SUGCT: variants seen among roughly 807,000 people sequenced by gnomAD.
SUGCT encodes succinyl-CoA:glutarate-CoA transferase, also known as succinyl-CoA:glutarate CoA-transferase.
A neutral mutation model predicts 55.0 loss-of-function variants in SUGCT; 41 were observed. That is an observed-to-expected ratio of 0.74 (90% CI 0.58 to 0.97). The LOEUF (loss-of-function observed/expected upper bound fraction) is 0.97, where lower values mean the gene tolerates loss of function less well. Ranked by LOEUF, SUGCT falls within the 50% of genes least tolerant of loss-of-function variation. The pLI is 0.00. For synonymous variants in SUGCT, 187 were observed against 200.4 expected, an observed-to-expected ratio of 0.93 and a Z score of 0.56; for missense variants, 568 against 547.8, an observed-to-expected ratio of 1.04 and a Z score of -0.37.
At chr7:40,439,036 G>T in intron 9 of SUGCT, among the ~76,000 whole-genome samples, 1 of 99,688 alleles carries the variant, frequency 1.0e-5, no homozygotes, top group Non-Finnish European at 2.0e-5. Context: ...ATATAATATG[G>T]TATATATATA....
intron 9 of SUGCT, among the ~76,000 whole-genome samples, chr7:40,401,314 G>C (rs1416177712): frequency 6.6e-6 from 1 of 152,090 alleles, no homozygotes; most frequent in Non-Finnish European, 1.5e-5. Flanking sequence ...AATTACCTTA[G>C]ACTTTAAGAG....
At chr7:40,418,555 G>C (rs1272068025) in intron 9 of SUGCT, among the ~76,000 whole-genome samples, 1 of 152,144 alleles carries the variant, frequency 6.6e-6, no homozygotes, top group South Asian at 2.1e-4. Context: ...TTTTAGTCAG[G>C]CACAGGCTAA....
At chr7:40,945,670 A>G in the SUGCT span, among the ~76,000 whole-genome samples, 1 of 152,164 alleles carries the variant, frequency 6.6e-6, no homozygotes, top group African/African-American at 2.4e-5. Context: ...TTTCACAAGC[A>G]AAAGTTCTGA....
chr7:40,814,625 A>G (rs1584479377), intron 13 of SUGCT, among the ~76,000 whole-genome samples: 2 of 150,920 alleles, frequency 1.3e-5, no homozygotes, highest in Admixed American at 1.3e-4. Flanking sequence ...CTTTGTGTTG[A>G]TGTTCAACCT....
chr7:40,800,572 G>A (rs1790767435), intron 13 of SUGCT, among the ~76,000 whole-genome samples: 1 of 152,044 alleles, frequency 6.6e-6, no homozygotes, highest in African/African-American at 2.4e-5. Flanking sequence ...GATTACAGGC[G>A]TGAGCCACCG....
intron 13 of SUGCT, among the ~76,000 whole-genome samples, chr7:40,822,181 C>T (rs985135267): frequency 5.3e-5 from 8 of 150,362 alleles, no homozygotes; most frequent in African/African-American, 1.5e-4. Flanking sequence ...ACTTTACTTC[C>T]GACTATGTGG....
chr7:40,767,055 T>A (rs947684786), intron 13 of SUGCT, among the ~76,000 whole-genome samples: 3 of 152,208 alleles, frequency 2.0e-5, no homozygotes, highest in Non-Finnish European at 2.9e-5. Flanking sequence ...ATATGTACTG[T>A]CTGGATTATT....
rs1317265694 is a variant in SUGCT at position 40,448,961 on chromosome 7, T to TATATAG, written c.817-325_817-324insTATAGA. ...GTGTGTGTGTGTGTGTATATATATA[T>TATATAG]AGAGAGAGAGAGAGAGAGAGAGAAA... is the stretch of plus-strand genomic sequence containing the variant. On this transcript the variant is annotated intron_variant, in intron 9 of 13. Transcript: ENST00000335693. Among the ~76,000 whole-genome samples, 469 of 144,138 alleles carry TATATAG rather than the reference T, an allele frequency of 3.3e-3. 3 individuals carry two copies. Among genetic ancestry groups the TATATAG allele is most frequent in the African/African-American group, 9.2e-3 (351 of 38,264 alleles). The allele number at this position is 144,138 out of a possible 152,430, so 94.6% of individuals were successfully genotyped here.
intron 12 of SUGCT, among the ~76,000 whole-genome samples, chr7:40,646,382 G>GT (rs35312187): frequency 1.3e-5 from 2 of 151,802 alleles, no homozygotes; most frequent in Non-Finnish European, 2.9e-5. Context: ...AAATAGCTGG[G>GT]TTTTTTTTCT....
At chr7:40,250,828 C>CTTTTTTTTTTTT (rs67372014) in intron 7 of SUGCT, among the ~76,000 whole-genome samples, 1 of 121,266 alleles carries the variant, frequency 8.2e-6, no homozygotes, top group African/African-American at 3.7e-5. Context: ...TTTCACGCTT[C>CTTTTTTTTTTTT]TTTTTTTTTT....
intron 9 of SUGCT, among the ~76,000 whole-genome samples, chr7:40,363,829 C>T (rs1311737577): frequency 6.6e-6 from 1 of 152,072 alleles, no homozygotes; most frequent in African/African-American, 2.4e-5. Flanking sequence ...TCTATTAGGT[C>T]CGCTTGGTGC....
chr7:40,312,096 A>G (rs1447560745), intron 8 of SUGCT, among the ~76,000 whole-genome samples: 2 of 150,480 alleles, frequency 1.3e-5, no homozygotes, highest in African/African-American at 2.4e-5. Context: ...CTGGAGTGCA[A>G]TGGCGCGATC....
At chr7:40,502,081 G>T (rs759017191) in intron 12 of SUGCT, among the ~76,000 whole-genome samples, 1 of 151,972 alleles carries the variant, frequency 6.6e-6, no homozygotes, top group Non-Finnish European at 1.5e-5. Context: ...GAAATTATTT[G>T]TGACCTTGAT....
chr7:40,312,142 C>T lies in SUGCT; in HGVS notation c.721-4618C>T, dbSNP rs372310027. The stretch of plus-strand genomic sequence containing the variant: ...GCAACCTCTGCTTCCCGGGTTCAAG[C>T]GATTCTCGTGCCTCAGCCTCCCGAG... On this transcript the variant is annotated intron_variant, in intron 8 of 13. Transcript: ENST00000335693. Among the ~76,000 whole-genome samples the T allele has an allele frequency of 1.9e-4, 29 of 151,196 alleles. No homozygotes were observed. In the South Asian group the frequency reaches 4.4e-3, roughly 23 times the overall value.
intron 6 of SUGCT, among the ~76,000 whole-genome samples, chr7:40,204,789 C>A (rs573023760): frequency 6.6e-6 from 1 of 151,682 alleles, no homozygotes; most frequent in East Asian, 1.9e-4. Flanking sequence ...AAAAAATTAG[C>A]CAGGCATGAT....
intron 12 of SUGCT, among the ~76,000 whole-genome samples, chr7:40,592,767 G>A (rs1407877136): frequency 6.6e-6 from 1 of 152,120 alleles, no homozygotes; most frequent in East Asian, 1.9e-4. Flanking sequence ...GTAGTAGCAA[G>A]TCTATGTTTT....
chr7:40,885,939 G>A, the SUGCT span, among the ~76,000 whole-genome samples: 1 of 152,194 alleles, frequency 6.6e-6, no homozygotes, highest in Non-Finnish European at 1.5e-5. Flanking sequence ...GATAGTTAAT[G>A]CTGTTGTGGA....
At chr7:40,246,971 A>G (rs1009699447) in intron 7 of SUGCT, among the ~76,000 whole-genome samples, 1 of 152,166 alleles carries the variant, frequency 6.6e-6, no homozygotes, top group East Asian at 1.9e-4. Context: ...ATATTGTATT[A>G]CATTTTATGA....
intron 9 of SUGCT, among the ~76,000 whole-genome samples, chr7:40,389,329 G>A (rs1397204711): frequency 6.6e-6 from 1 of 152,042 alleles, no homozygotes; most frequent in East Asian, 1.9e-4. Context: ...GACATGTGTT[G>A]TAGTCCCAGC....
Sources: gnomAD v4.1 joint callset for allele counts (sites outside exome capture counted in the v4.1 genomes callset) on GRCh38, gnomAD v4.1.1 for gene constraint, MANE v1.5 for transcripts, NCBI Gene and HGNC (gene_info 2026-07-23, HGNC 2026-07-21) for gene names.